The following CADPS2 variants were observed in gnomAD, a reference collection of about 807,000 sequenced individuals.
The protein encoded by CADPS2 is calcium dependent secretion activator 2, also known as calcium-dependent secretion activator 2.
A neutral mutation model predicts 172.5 loss-of-function variants in CADPS2; 93 were observed. The ratio of observed to expected loss-of-function variants is 0.54; its 90% CI spans 0.46 to 0.64. The LOEUF (loss-of-function observed/expected upper bound fraction) is 0.64. CADPS2 is among the 30% of genes least tolerant of loss of function. The pLI, the probability that CADPS2 is intolerant of heterozygous loss-of-function variation, is 0.00. For synonymous variants in CADPS2, 546 were observed against 555.2 expected, an observed-to-expected ratio of 0.98 and a Z score of 0.23; for missense variants, 1,420 against 1,565.9, an observed-to-expected ratio of 0.91 and a Z score of 1.57.
intron 24 of CADPS2, among the ~76,000 whole-genome samples, chr7:122,383,877 AGAACAAATTTG>A (rs1478798754): frequency 6.6e-6 from 1 of 152,128 alleles, no homozygotes; most frequent in Non-Finnish European, 1.5e-5. Flanking sequence ...AATTTAACTG[AGAACAAATTTG>A]GCCCAAGTAG....
At chr7:122,863,356 C>A (rs1309652278) in intron 1 of CADPS2, among the ~76,000 whole-genome samples, 1 of 152,066 alleles carries the variant, frequency 6.6e-6, no homozygotes, top group Non-Finnish European at 1.5e-5. Flanking sequence ...TTTAAGAGAA[C>A]ACTGAGATGT....
chr7:122,672,311 G>A (rs1040134340), intron 2 of CADPS2, among the ~76,000 whole-genome samples: 6 of 152,108 alleles, frequency 3.9e-5, no homozygotes, highest in African/African-American at 9.7e-5. Context: ...TCCAGGCGTC[G>A]GTGGTCACCC....
At chr7:122,704,219 GTTAGTATTCCCTGTATT>G (rs2086625327) in intron 2 of CADPS2, among the ~76,000 whole-genome samples, 1 of 151,836 alleles carries the variant, frequency 6.6e-6, no homozygotes, top group Non-Finnish European at 1.5e-5. Flanking sequence ...GTTAATATTT[GTTAGTATTCCCTGTATT>G]TTAGTTAATA....
At chr7:122,791,491 A>G (rs558250477) in intron 1 of CADPS2, among the ~76,000 whole-genome samples, 80 of 152,260 alleles carry the variant, frequency 5.3e-4, no homozygotes, top group Non-Finnish European at 9.0e-4. Context: ...ACTGAAACAT[A>G]CCAGCATAGC....
intron 29 of CADPS2, among the ~76,000 whole-genome samples, chr7:122,323,585 T>C (rs944424151): frequency 6.6e-6 from 1 of 151,886 alleles, no homozygotes; most frequent in Non-Finnish European, 1.5e-5. Context: ...AATTTCACTC[T>C]TGCTTAATCT....
intron 6 of CADPS2, among the ~76,000 whole-genome samples, chr7:122,608,107 C>T (rs1228207480): frequency 6.6e-6 from 1 of 151,874 alleles, no homozygotes; most frequent in Non-Finnish European, 1.5e-5. Context: ...GTCCCAGCTA[C>T]TCAAGAGGCT....
At chr7:122,690,890 G>C (rs569159870) in intron 2 of CADPS2, among the ~76,000 whole-genome samples, 1 of 152,290 alleles carries the variant, frequency 6.6e-6, no homozygotes, top group African/African-American at 2.4e-5. Context: ...CAACAGTCCA[G>C]GCAGCACAAG....
chr7:122,765,057 T>C (rs2093504643), intron 1 of CADPS2, among the ~76,000 whole-genome samples: 1 of 152,180 alleles, frequency 6.6e-6, no homozygotes, highest in African/African-American at 2.4e-5. Context: ...ATTCACTCTC[T>C]CATGAATTTA....
At chr7:122,379,713 G>A (rs1446567967) in intron 24 of CADPS2, among the ~76,000 whole-genome samples, 3 of 152,194 alleles carry the variant, frequency 2.0e-5, no homozygotes, top group African/African-American at 7.2e-5. Context: ...TTCAGGCAGA[G>A]GAATGTGAAG....
chr7:122,529,186 T>C (rs964613027), intron 8 of CADPS2, among the ~76,000 whole-genome samples: 9 of 152,198 alleles, frequency 5.9e-5, no homozygotes, highest in African/African-American at 2.2e-4. Flanking sequence ...TCTTTCTTTT[T>C]TCTTACGGCA....
chr7:122,548,560 C>A (rs1335291184), intron 8 of CADPS2, among the ~76,000 whole-genome samples: 2 of 152,042 alleles, frequency 1.3e-5, no homozygotes, highest in African/African-American at 2.4e-5. Context: ...ACTGGTAGAG[C>A]TATATGGATC....
chr7:122,844,337 G>A (rs149030130), intron 1 of CADPS2, among the ~76,000 whole-genome samples: 297 of 152,184 alleles, frequency 2.0e-3, no homozygotes, highest in African/African-American at 6.8e-3. Context: ...AAAACATCCC[G>A]CTTGCCCTTG....
chr7:122,695,611 A>G (rs2084970408), intron 2 of CADPS2, among the ~76,000 whole-genome samples: 1 of 152,212 alleles, frequency 6.6e-6, no homozygotes, highest in African/African-American at 2.4e-5. Flanking sequence ...CACTCAGCAG[A>G]CAGTTCCCAT....
chr7:122,829,015 T>G (rs1189810391), intron 1 of CADPS2, among the ~76,000 whole-genome samples: 1 of 152,228 alleles, frequency 6.6e-6, no homozygotes, highest in Non-Finnish European at 1.5e-5. Flanking sequence ...TGTGTGCGAA[T>G]GTTTTAAATC....
rs1308153401 is a variant in CADPS2, at chr7:122,796,540, C to T, written c.340-59472G>A. On this transcript the variant is annotated intron_variant, in intron 1 of 29. Coordinates refer to ENST00000449022, the MANE Select transcript of CADPS2 (RefSeq NM_017954.11). ...ATACATAAACCAATGGAACAGCATA[C>T]AGAGCCCAGAAATAAGGCTGCACAC... Among the ~76,000 whole-genome samples the T allele has an allele frequency of 2.6e-5, 4 of 152,008 alleles. No homozygotes were observed. In the East Asian group the frequency reaches 7.7e-4, roughly 29 times the overall value.
intron 28 of CADPS2, among the ~76,000 whole-genome samples, chr7:122,337,956 T>C (rs1024572272): frequency 2.0e-5 from 3 of 152,188 alleles, no homozygotes; most frequent in African/African-American, 7.2e-5. Flanking sequence ...AAACAATGTG[T>C]TAAAAGCAGC....
At chr7:122,693,891 A>G (rs933759273) in intron 2 of CADPS2, among the ~76,000 whole-genome samples, 7 of 152,164 alleles carry the variant, frequency 4.6e-5, no homozygotes, top group Non-Finnish European at 7.3e-5. Context: ...TTCAACTTAG[A>G]AGGAGGAGTT....
At chr7:122,410,053 C>G (rs1476203650) in intron 19 of CADPS2, among the ~76,000 whole-genome samples, 2 of 152,098 alleles carry the variant, frequency 1.3e-5, no homozygotes, top group African/African-American at 4.8e-5. Context: ...GCTTAAAAAA[C>G]TTACTACTGG....
intron 7 of CADPS2, among the ~76,000 whole-genome samples, chr7:122,574,445 TA>T (rs869077766): frequency 0.063 from 2,388 of 37,958 alleles, 81 homozygotes; most frequent in South Asian, 0.2. Context: ...GACCCTGTCT[TA>T]AAAAAAAAAA....
Sources: gnomAD v4.1 joint callset for allele counts (sites outside exome capture counted in the v4.1 genomes callset) on GRCh38, gnomAD v4.1.1 for gene constraint, MANE v1.5 for transcripts, NCBI Gene and HGNC (gene_info 2026-07-23, HGNC 2026-07-21) for gene names.